The following MAP2K6 variants were observed in gnomAD, a reference collection of about 807,000 sequenced individuals.
The protein encoded by MAP2K6 is mitogen-activated protein kinase kinase 6.
Under a neutral mutation model 53.7 loss-of-function variants are expected in MAP2K6, and 16 were observed. The observed-to-expected ratio is 0.30, with a 90% CI of 0.20 to 0.45. The LOEUF (loss-of-function observed/expected upper bound fraction) is 0.45. Among genes scored for constraint, MAP2K6 ranks in the 20% least tolerant of loss-of-function variants. MAP2K6 has a pLI of 1.00. For synonymous variants in MAP2K6, 132 were observed against 143.1 expected, an observed-to-expected ratio of 0.92 and a Z score of 0.55; for missense variants, 204 against 411.9, an observed-to-expected ratio of 0.50 and a Z score of 4.37.
Position 69,528,109 on chromosome 17 carries a change from C to CAAA in MAP2K6, c.881+1415_881+1417dup, listed in dbSNP as rs71357724. Among the ~76,000 whole-genome samples the CAAA allele has an allele frequency of 1.6e-3, 119 of 75,706 alleles. 2 individuals are homozygous for CAAA. Among genetic ancestry groups the CAAA allele is most frequent in the East Asian group, 7.3e-3 (18 of 2,456 alleles). 49.7% of individuals were successfully genotyped at this position (75,706 alleles called of 152,430 possible). On this transcript the variant is annotated intron_variant, in intron 10 of 11. Transcript: ENST00000590474. The stretch of plus-strand genomic sequence containing the variant: ...GAGCAACAAGAATAAAACTTCGTCT[C>CAAA]AAAAAAAAAAAAAAAAAGCTGTGAA...
At chr17:69,504,326 A>C (rs1909341419) in intron 1 of MAP2K6, 1 of 150,706 alleles carries the variant, frequency 6.6e-6, no homozygotes, top group South Asian at 2.1e-4. Context: ...CCCAGGCTGG[A>C]GTGCAGTGGT....
chr17:69,517,640 T>C (rs1167583162), intron 4 of MAP2K6, 27 bp downstream of exon 4: 1 of 1,521,982 alleles, frequency 6.6e-7, no homozygotes, highest in Admixed American at 1.8e-5. Context: ...CCCAAATGTT[T>C]TATATCTGCT....
At position 69,517,509 on chromosome 17, in the gene MAP2K6, G is replaced by A. The variant is rs755874435; in HGVS notation, c.142G>A (p.Val48Met). The A allele has an allele frequency of 1.9e-6, 3 of 1,599,918 alleles. No individual in the cohort carries two copies. Among genetic ancestry groups the A allele is most frequent in the East Asian group, 2.3e-5 (1 of 44,096 alleles). ...CISIGNQNFE[V>M]KADDLEPIME... ...CTTTTCTCTCTTGCAGAACTTTGAGGTGAAGGCAGATGACCTGGAGCCTAT... is the reference window on the plus strand; with the variant it reads ...CTTTTCTCTCTTGCAGAACTTTGAGATGAAGGCAGATGACCTGGAGCCTAT... Residue 48 changes from valine (V) to methionine (M), a missense_variant, in exon 4 of 12, where the codon GTG (valine) becomes ATG (methionine). By Grantham distance (21) the Val-to-Met change is conservative (BLOSUM62 1). Around this residue, in one of 3 missense-constraint regions of MAP2K6, gnomAD observed 129 missense variants for 247.1 expected, o/e 0.52. Transcript: ENST00000590474.
chr17:69,463,389 C>T (rs1429644771), intron 1 of MAP2K6, among the ~76,000 whole-genome samples: 1 of 145,012 alleles, frequency 6.9e-6, no homozygotes, highest in Non-Finnish European at 1.5e-5. Flanking sequence ...ATATGTGTAT[C>T]TATAATTATA....
chr17:69,444,513 G>A (rs1321222782), intron 1 of MAP2K6, among the ~76,000 whole-genome samples: 1 of 152,144 alleles, frequency 6.6e-6, no homozygotes, highest in African/African-American at 2.4e-5. Flanking sequence ...CGAAGGAAGG[G>A]GTCTGGTGCA....
chr17:69,550,368 A>C lies in MAP2K6; in HGVS notation c.*8615A>C, dbSNP rs1417911124. On this transcript the variant is annotated 3_prime_UTR_variant, in exon 12 of 12. Transcript: ENST00000590474. ...TAACCTTTTGTTCCAGAGGGCAGAC[A>C]TTTTTAAGAAAGGTGAATGTTAGAG... 6.6e-6 allele frequency: 1 copy of C among 152,230 alleles called. No homozygotes were observed. Among genetic ancestry groups the C allele is most frequent in the Non-Finnish European group, 1.5e-5 (1 of 68,028 alleles). The allele number at this position is 152,230 out of a possible 1,614,324, so 9.4% of individuals were successfully genotyped here. A position where few individuals can be genotyped will look rare whatever the true frequency, so the allele number is the denominator to read the frequency against.
At chr17:69,480,238 C>T (rs777432081) in intron 1 of MAP2K6, among the ~76,000 whole-genome samples, 16 of 152,204 alleles carry the variant, frequency 1.1e-4, no homozygotes, top group Non-Finnish European at 1.2e-4. Context: ...TGTTCTTTAA[C>T]TTTCGTTCCC....
At chr17:69,449,928 CTCTT>C (rs1044603829) in intron 1 of MAP2K6, among the ~76,000 whole-genome samples, 50 of 148,414 alleles carry the variant, frequency 3.4e-4, no homozygotes, top group Non-Finnish European at 2.1e-4. Flanking sequence ...CTCTCTTTCT[CTCTT>C]TCTTTCTTTA....
intron 1 of MAP2K6, among the ~76,000 whole-genome samples, chr17:69,461,998 A>G (rs932103387): frequency 6.6e-6 from 1 of 152,184 alleles, no homozygotes; most frequent in African/African-American, 2.4e-5. Flanking sequence ...ATTCGCAAGG[A>G]GGCAGTTTGG....
In MAP2K6 at chr17:69,484,924, G is replaced by T. The variant is rs553028533; in HGVS notation, c.17-20856G>T. Among the ~76,000 whole-genome samples the T allele has an allele frequency of 1.7e-4, 26 of 152,100 alleles. No individual in the cohort carries two copies. In the South Asian group the frequency reaches 3.7e-3, roughly 22 times the overall value. On this transcript the variant is annotated intron_variant, in intron 1 of 11. Coordinates refer to ENST00000590474, the MANE Select transcript of MAP2K6 (RefSeq NM_002758.4). ...GTAGTTGCCAGGGGCTAGAGGGAAG[G>T]GTAGTGTTGAAGGAAAAGAGGGAGT...
At chr17:69,475,164 GTT>G (rs775528883) in intron 1 of MAP2K6, among the ~76,000 whole-genome samples, 14 of 111,630 alleles carry the variant, frequency 1.3e-4, no homozygotes, top group South Asian at 2.9e-4. Flanking sequence ...TGAAATCTGT[GTT>G]TTTTTTTTTT....
intron 1 of MAP2K6, among the ~76,000 whole-genome samples, chr17:69,459,929 C>CGTT (rs1907559017): frequency 6.7e-6 from 1 of 149,990 alleles, no homozygotes; most frequent in South Asian, 2.1e-4. Flanking sequence ...TTCCTCCCTT[C>CGTT]GTTCCTCTTT....
intron 1 of MAP2K6, among the ~76,000 whole-genome samples, chr17:69,429,697 G>T (rs1906395892): frequency 6.6e-6 from 1 of 152,154 alleles, no homozygotes; most frequent in Admixed American, 6.5e-5. Flanking sequence ...GTAAGAAAGG[G>T]CACTAAGGAA....
At position 69,482,819 on chromosome 17, in the gene MAP2K6, A is replaced by G. The variant is rs1908396231; in HGVS notation, c.17-22961A>G. On this transcript the variant is annotated intron_variant, in intron 1 of 11. Coordinates refer to ENST00000590474, the MANE Select transcript of MAP2K6 (RefSeq NM_002758.4). Reference sequence around the variant, plus strand: ...TATTCCTAGTGGTAGAATTGCTGGGACAAAAGGACTATGCATTCATAAGAC... The same window carrying G: ...TATTCCTAGTGGTAGAATTGCTGGGGCAAAAGGACTATGCATTCATAAGAC... 2.0e-5 allele frequency among the ~76,000 whole-genome samples: 3 copies of G among 152,054 alleles called. No individual in the cohort carries two copies. In the South Asian group the frequency reaches 6.2e-4, roughly 32 times the overall value.
intron 1 of MAP2K6, among the ~76,000 whole-genome samples, chr17:69,487,572 T>G (rs1908592329): frequency 6.6e-6 from 1 of 152,236 alleles, no homozygotes; most frequent in Non-Finnish European, 1.5e-5. Flanking sequence ...ATTTGCTCCT[T>G]TAATGCCACC....
At chr17:69,447,500 C>A (rs1313474680) in intron 1 of MAP2K6, among the ~76,000 whole-genome samples, 4 of 151,956 alleles carry the variant, frequency 2.6e-5, no homozygotes, top group South Asian at 4.2e-4. Context: ...CACCCGCCAC[C>A]ATGCCTCGCT....
At chr17:69,449,529 TTGTC>T (rs1555602219) in intron 1 of MAP2K6, among the ~76,000 whole-genome samples, 1,859 of 101,308 alleles carry the variant, frequency 0.018, 43 homozygotes, top group East Asian at 0.052. Flanking sequence ...CTTTCTTTCT[TTGTC>T]TTTCTTTCTT....
intron 7 of MAP2K6, chr17:69,521,309 G>A: frequency 2.3e-6 from 1 of 429,796 alleles, no homozygotes. Flanking sequence ...CGTGATCTTT[G>A]TCTTACATCC....
At chr17:69,510,306 A>G (rs372991400) in intron 2 of MAP2K6, among the ~76,000 whole-genome samples, 1 of 152,286 alleles carries the variant, frequency 6.6e-6, no homozygotes, top group East Asian at 1.9e-4. Flanking sequence ...AATGAATCCC[A>G]GTTAGTTATG....
Sources: gnomAD v4.1 joint callset for allele counts (sites outside exome capture counted in the v4.1 genomes callset) on GRCh38, gnomAD v4.1.1 for gene constraint, gnomAD v4.1.1 regional missense constraint, MANE v1.5 for transcripts, NCBI Gene and HGNC (gene_info 2026-07-23, HGNC 2026-07-21) for gene names.